CDH12: variants seen among roughly 807,000 people sequenced by gnomAD.
CDH12 encodes the protein cadherin 12, also known as cadherin-12.
In CDH12, 41 loss-of-function variants were observed where a neutral mutation model predicts 74.1. The ratio of observed to expected loss-of-function variants is 0.55; its 90% CI spans 0.43 to 0.72. The LOEUF (loss-of-function observed/expected upper bound fraction) is 0.72. Ranked by LOEUF, CDH12 falls within the 30% of genes least tolerant of loss-of-function variation. The pLI, the probability that CDH12 is intolerant of heterozygous loss-of-function variation, is 0.00. For synonymous variants in CDH12, 399 were observed against 355.0 expected, an observed-to-expected ratio of 1.12 and a Z score of -1.39; for missense variants, 945 against 977.2, an observed-to-expected ratio of 0.97 and a Z score of 0.44.
intron 8 of CDH12, among the ~76,000 whole-genome samples, chr5:21,825,161 A>G (rs868317961): frequency 1.9e-4 from 28 of 151,220 alleles, no homozygotes; most frequent in African/African-American, 5.4e-4. Context: ...TCAAAAAAAA[A>G]AAAAAAAGAA....
chr5:22,440,134 A>T (rs1201823519), intron 2 of CDH12, among the ~76,000 whole-genome samples: 2 of 152,136 alleles, frequency 1.3e-5, no homozygotes, highest in Non-Finnish European at 2.9e-5. Flanking sequence ...AAACTAATCT[A>T]TTGAGAAGTG....
chr5:22,086,953 C>G (rs1743107266), intron 4 of CDH12, among the ~76,000 whole-genome samples: 1 of 152,084 alleles, frequency 6.6e-6, no homozygotes, highest in African/African-American at 2.4e-5. Context: ...AAATCCATAA[C>G]CCCATTCTAA....
intron 3 of CDH12, among the ~76,000 whole-genome samples, chr5:22,367,450 A>T (rs1741082812): frequency 6.6e-6 from 1 of 152,176 alleles, no homozygotes; most frequent in South Asian, 2.1e-4. Context: ...CAAACATTTT[A>T]TAAAATATAT....
At chr5:21,818,473 T>C (rs1468928013) in intron 8 of CDH12, among the ~76,000 whole-genome samples, 3 of 151,990 alleles carry the variant, frequency 2.0e-5, no homozygotes, top group African/African-American at 7.2e-5. Context: ...TCACAATCAG[T>C]TTCAAAACTT....
intron 11 of CDH12, among the ~76,000 whole-genome samples, chr5:21,766,054 G>A (rs1320527507): frequency 6.6e-6 from 1 of 151,912 alleles, no homozygotes; most frequent in Non-Finnish European, 1.5e-5. Context: ...CCATTGATTG[G>A]TTTATGAGTT....
intron 4 of CDH12, among the ~76,000 whole-genome samples, chr5:22,160,730 A>C (rs924528097): frequency 3.9e-4 from 60 of 151,998 alleles, no homozygotes; most frequent in Non-Finnish European, 6.0e-4. Context: ...ACATGGTGAA[A>C]GGGACCAAGG....
intron 5 of CDH12, among the ~76,000 whole-genome samples, chr5:22,024,216 G>T (rs1738188800): frequency 6.6e-6 from 1 of 152,146 alleles, no homozygotes; most frequent in African/African-American, 2.4e-5. Context: ...TATTTATCTT[G>T]TATAATACAT....
chr5:22,006,313 C>T (rs1736956629), intron 5 of CDH12, among the ~76,000 whole-genome samples: 1 of 151,922 alleles, frequency 6.6e-6, no homozygotes, highest in African/African-American at 2.4e-5. Flanking sequence ...GACACTGTGC[C>T]CAGCCAAGCC....
chr5:21,779,714 G>A (rs1171662399), intron 11 of CDH12, among the ~76,000 whole-genome samples: 1 of 152,152 alleles, frequency 6.6e-6, no homozygotes, highest in East Asian at 1.9e-4. Flanking sequence ...GTATACTTAA[G>A]CAATTTCATT....
At chr5:22,161,449 G>A (rs545281288) in intron 4 of CDH12, among the ~76,000 whole-genome samples, 27 of 152,198 alleles carry the variant, frequency 1.8e-4, no homozygotes, top group African/African-American at 6.5e-4. Flanking sequence ...TGTAATCCCA[G>A]CACTTTGGAG....
At chr5:22,614,249 A>C (rs1176440536) in intron 1 of CDH12, among the ~76,000 whole-genome samples, 1 of 152,110 alleles carries the variant, frequency 6.6e-6, no homozygotes, top group Non-Finnish European at 1.5e-5. Context: ...ATATCAACAC[A>C]TCCTGCCTTC....
chr5:22,071,078 G>T (rs914010761), intron 5 of CDH12, among the ~76,000 whole-genome samples: 4 of 151,950 alleles, frequency 2.6e-5, no homozygotes, highest in African/African-American at 9.7e-5. Context: ...CATGGCACAT[G>T]TTTACCTATG....
At chr5:21,753,019 G>A (rs1426413446) in intron 14 of CDH12, among the ~76,000 whole-genome samples, 1 of 152,102 alleles carries the variant, frequency 6.6e-6, no homozygotes, top group Non-Finnish European at 1.5e-5. Context: ...TTTATTCCCA[G>A]TTGATTTAAA....
At chr5:22,683,842 C>T (rs1333534838) in intron 1 of CDH12, among the ~76,000 whole-genome samples, 1 of 152,156 alleles carries the variant, frequency 6.6e-6, no homozygotes, top group East Asian at 1.9e-4. Flanking sequence ...TTCATCTTCA[C>T]CTGAAATGAG....
At chr5:22,760,678 C>CAAAAAAAA (rs11284255) in intron 1 of CDH12, among the ~76,000 whole-genome samples, 7 of 63,414 alleles carry the variant, frequency 1.1e-4, no homozygotes, top group Admixed American at 2.4e-4. Context: ...GACTCCGTCT[C>CAAAAAAAA]AAAAAAAAAA....
chr5:22,405,216 A>G (rs1291935952), intron 3 of CDH12, 41 bp downstream of exon 3: 8 of 577,326 alleles, frequency 1.4e-5, no homozygotes, highest in Non-Finnish European at 1.7e-5. Flanking sequence ...TTTAAAAAAA[A>G]TAAAAAATAA....
chr5:22,635,522 A>G (rs1365135948), intron 1 of CDH12, among the ~76,000 whole-genome samples: 1 of 152,216 alleles, frequency 6.6e-6, no homozygotes, highest in African/African-American at 2.4e-5. Context: ...TTGTGTTTCA[A>G]AGGACATCAT....
At chr5:22,605,479 G>C (rs1737065646) in intron 1 of CDH12, among the ~76,000 whole-genome samples, 1 of 152,138 alleles carries the variant, frequency 6.6e-6, no homozygotes, top group South Asian at 2.1e-4. Context: ...CTTCTCCCCT[G>C]AACTCAAAGC....
chr5:22,430,374 T>C (rs1462873580), intron 2 of CDH12, among the ~76,000 whole-genome samples: 1 of 151,718 alleles, frequency 6.6e-6, no homozygotes, highest in Non-Finnish European at 1.5e-5. Context: ...GGTGGCTACA[T>C]AGTACCCATA....
Sources: gnomAD v4.1 joint callset for allele counts (sites outside exome capture counted in the v4.1 genomes callset) on GRCh38, gnomAD v4.1.1 for gene constraint, MANE v1.5 for transcripts, NCBI Gene and HGNC (gene_info 2026-07-23, HGNC 2026-07-21) for gene names.